The following TRPM2 variants were observed in gnomAD, a reference collection of about 807,000 sequenced individuals.
TRPM2 encodes transient receptor potential cation channel subfamily M member 2.
A neutral mutation model predicts 174.0 loss-of-function variants in TRPM2; 161 were observed. That is an observed-to-expected ratio of 0.93 (90% CI 0.81 to 1.05). TRPM2 has a LOEUF of 1.05. TRPM2 is among the 50% of genes least tolerant of loss of function. The probability of loss-of-function intolerance (pLI) is 0.00; values close to 1 mark genes in which losing one functional copy is unlikely to be tolerated. For synonymous variants in TRPM2, 954 were observed against 861.3 expected, an observed-to-expected ratio of 1.11 and a Z score of -1.88; for missense variants, 2,057 against 2,038.0, an observed-to-expected ratio of 1.01 and a Z score of -0.18.
chr21:44,390,757 G>C (rs956976673), intron 9 of TRPM2, 147 bp from the exon 10 acceptor site: 3 of 1,019,518 alleles, frequency 2.9e-6, no homozygotes. Context: ...GTGTGTATGG[G>C]AGGAGGTCAC....
intron 5 of TRPM2, among the ~76,000 whole-genome samples, chr21:44,373,053 G>A (rs1436468802): frequency 6.6e-6 from 1 of 152,118 alleles, no homozygotes; most frequent in Non-Finnish European, 1.5e-5. Context: ...GACAAAAAGG[G>A]CTCTGCAGAC....
rs570339266 is a variant in TRPM2 at position 44,354,850 on chromosome 21, C to T, written c.254+114C>T. The T allele has an allele frequency of 6.7e-6, 6 of 892,958 alleles. No individual in the cohort carries two copies. In the East Asian group the frequency reaches 9.9e-5, roughly 15 times the overall value. The allele number at this position is 892,958 out of a possible 1,614,324, so 55.3% of individuals were successfully genotyped here. On this transcript the variant is annotated intron_variant, in intron 2 of 31. Transcript: ENST00000397928. This position sits in a 1 kb window ranked among gnomAD's most constrained non-coding sequence, Gnocchi z 4.3. The stretch of plus-strand genomic sequence containing the variant: ...CTCAGTGAAGGGTCACTGGAGATAC[C>T]TCTGTCTCCATACGAGGCTTAGAGT...
chr21:44,361,593 T>C (rs1011652873), intron 2 of TRPM2, among the ~76,000 whole-genome samples: 3 of 152,198 alleles, frequency 2.0e-5, no homozygotes, highest in Non-Finnish European at 4.4e-5. Context: ...TAATTATTGG[T>C]ATGTTAGGGC....
intron 26 of TRPM2, 123 bp from the exon 27 acceptor site, chr21:44,426,887 G>T: frequency 5.3e-6 from 7 of 1,331,550 alleles, no homozygotes; most frequent in Non-Finnish European, 7.3e-6. Flanking sequence ...AGCTCCTACT[G>T]TTGTGTACAC....
At chr21:44,398,639 G>C (rs533262761) in intron 13 of TRPM2, among the ~76,000 whole-genome samples, 1 of 152,108 alleles carries the variant, frequency 6.6e-6, no homozygotes, top group Non-Finnish European at 1.5e-5. Flanking sequence ...CACAGGGGTC[G>C]AAGTGGGTTC....
At chr21:44,405,501 G>A (rs2049836910) in intron 17 of TRPM2, among the ~76,000 whole-genome samples, 1 of 152,188 alleles carries the variant, frequency 6.6e-6, no homozygotes, top group Admixed American at 6.6e-5. Context: ...TGTGCAAGGG[G>A]CCATAGATGG....
chr21:44,369,015 C>T (rs2048442236), intron 4 of TRPM2, 162 bp from the exon 5 acceptor site: 4 of 736,192 alleles, frequency 5.4e-6, no homozygotes, highest in Admixed American at 3.1e-5. Context: ...GTGGGAACCT[C>T]GGTTCCTTAC....
At chr21:44,394,283 T>C (rs2146251994) in intron 11 of TRPM2, among the ~76,000 whole-genome samples, 1 of 151,534 alleles carries the variant, frequency 6.6e-6, no homozygotes, top group South Asian at 2.1e-4. Flanking sequence ...CTCAAGCTTA[T>C]CTGTACCTGT....
At chr21:44,386,512 A>C (rs943185810) in intron 9 of TRPM2, among the ~76,000 whole-genome samples, 17 of 152,214 alleles carry the variant, frequency 1.1e-4, no homozygotes, top group African/African-American at 3.9e-4. Context: ...AAAAGAAAAA[A>C]AATACTGAGG....
intron 2 of TRPM2, among the ~76,000 whole-genome samples, chr21:44,360,211 A>G (rs1313873293): frequency 6.6e-6 from 1 of 152,200 alleles, no homozygotes; most frequent in Non-Finnish European, 1.5e-5. Flanking sequence ...ACCCACAAAG[A>G]AAAAAGAGGG....
intron 19 of TRPM2, among the ~76,000 whole-genome samples, chr21:44,410,001 G>A (rs1461114243): frequency 6.6e-6 from 1 of 151,936 alleles, no homozygotes; most frequent in Non-Finnish European, 1.5e-5. Flanking sequence ...TAGCCTTGTA[G>A]TAAGTTTTGA....
At chr21:44,363,880 G>T (rs1834322824) in intron 2 of TRPM2, among the ~76,000 whole-genome samples, 1 of 152,200 alleles carries the variant, frequency 6.6e-6, no homozygotes, top group South Asian at 2.1e-4. Context: ...CCCCCCTGTA[G>T]CCTCCACTGA....
At chr21:44,404,376 T>TAC (rs1196741873) in intron 16 of TRPM2, among the ~76,000 whole-genome samples, 7 of 83,364 alleles carry the variant, frequency 8.4e-5, no homozygotes, top group Non-Finnish European at 1.5e-4. Context: ...AATGCACACA[T>TAC]ACATACACAC....
rs1249117523 is a variant in TRPM2, at chr21:44,354,628, T to G, written c.166-20T>G. On this transcript the variant is annotated intron_variant, in intron 1 of 31. Coordinates refer to ENST00000397928, the MANE Select transcript of TRPM2 (RefSeq NM_003307.4). The surrounding 1 kb of genome is among the most constrained non-coding windows in gnomAD (Gnocchi z 4.3). ...TCTTTCGAATGTTGGAAGATCTCAG[T>G]GTGCTGTCTTTACCTTCAGCAAGAA... 1 of 1,605,466 alleles carries G rather than the reference T, an allele frequency of 6.2e-7. No homozygotes were observed. The highest frequency in any genetic ancestry group is 1.3e-5 in the African/African-American group (1 of 74,760).
rs2146193367 is a variant in TRPM2 at position 44,375,904 on chromosome 21, C to T, written c.843C>T (p.His281=). 3.7e-6 allele frequency: 6 copies of T among 1,614,116 alleles called. No individual in the cohort carries two copies. Among genetic ancestry groups the T allele is most frequent in the Non-Finnish European group, 4.2e-6 (5 of 1,180,020 alleles). Reference sequence around the variant, plus strand: ...ACCTGACCTGCCTAGACAGCAACCACTCTCACTTCATCCTCGTGGACGACG... The same window carrying T: ...ACCTGACCTGCCTAGACAGCAACCATTCTCACTTCATCCTCGTGGACGACG... The part of the protein sequence containing the change: ...QGNLTCLDSN[H]SHFILVDDGT... Residue 281 remains histidine (H), a synonymous_variant, in exon 6 of 32, where the codon CAC becomes CAT. Transcript: ENST00000397928.
intron 22 of TRPM2, chr21:44,422,193 G>A: frequency 6.8e-7 from 1 of 1,473,628 alleles, no homozygotes; most frequent in Non-Finnish European, 9.0e-7. Flanking sequence ...TGGGCACCTG[G>A]GAGGCGCATG....
At chr21:44,431,021 T>G (rs2051001780) in intron 27 of TRPM2, among the ~76,000 whole-genome samples, 1 of 151,554 alleles carries the variant, frequency 6.6e-6, no homozygotes, top group Non-Finnish European at 1.5e-5. Context: ...TTCAAAAAAC[T>G]AACTTTTGGA....
At chr21:44,353,241 T>C (rs1394946661), upstream of TRPM2, 1 of 154,290 alleles carries the variant, frequency 6.5e-6, no homozygotes, top group African/African-American at 2.4e-5. Context: ...GTCACTGGTG[T>C]CTGGAAGCAG....
At position 44,427,046 on chromosome 21, in the gene TRPM2, G is replaced by T. The variant is rs2050819323; in HGVS notation, c.3909G>T (p.Val1303=). Residue 1303 remains valine (V), a synonymous_variant, in exon 27 of 32, where the codon GTG becomes GTT. Coordinates refer to ENST00000397928, the MANE Select transcript of TRPM2 (RefSeq NM_003307.4). ...CACTGTCCACGATCCAGTACAACGT[G>T]GTGGATGGCCTGAGGGACCGCCGGA... The part of the protein sequence containing the change: ...LEPLSTIQYN[V]VDGLRDRRSF... 1 of 1,607,344 alleles carries T rather than the reference G, an allele frequency of 6.2e-7. No homozygotes were observed. Among genetic ancestry groups the T allele is most frequent in the East Asian group, 2.2e-5 (1 of 44,690 alleles).
Sources: gnomAD v4.1 joint callset for allele counts (sites outside exome capture counted in the v4.1 genomes callset) on GRCh38, gnomAD v4.1.1 for gene constraint, Gnocchi (gnomAD v3.1) non-coding constraint, MANE v1.5 for transcripts, NCBI Gene and HGNC (gene_info 2026-07-23, HGNC 2026-07-21) for gene names.